CTNNA2: variants seen among roughly 807,000 people sequenced by gnomAD.
CTNNA2 encodes the protein catenin alpha-2.
Under a neutral mutation model 101.0 loss-of-function variants are expected in CTNNA2, and 42 were observed. The ratio of observed to expected loss-of-function variants is 0.42; its 90% confidence interval spans 0.32 to 0.54. The LOEUF is 0.54. Ranked by LOEUF, CTNNA2 falls within the 20% of genes least tolerant of loss-of-function variation. CTNNA2 has a pLI of 0.14. For synonymous variants in CTNNA2, 450 were observed against 456.4 expected, an observed-to-expected ratio of 0.99 and a Z score of 0.18; for missense variants, 871 against 1,223.1, an observed-to-expected ratio of 0.71 and a Z score of 4.29.
chr2:79,851,192 G>T (rs930903289), intron 3 of CTNNA2, among the ~76,000 whole-genome samples: 6 of 152,208 alleles, frequency 3.9e-5, no homozygotes, highest in South Asian at 2.1e-4. Flanking sequence ...AACTTCTGTG[G>T]TGTTGTCCAC....
chr2:79,336,931 C>T (rs569129442), intron 3 of CTNNA2, among the ~76,000 whole-genome samples: 1 of 152,314 alleles, frequency 6.6e-6, no homozygotes, highest in East Asian at 1.9e-4. Flanking sequence ...TGTGACCAGA[C>T]TCTTCCCAGA....
chr2:80,147,446 A>C (rs1573222285), intron 7 of CTNNA2, among the ~76,000 whole-genome samples: 1 of 152,156 alleles, frequency 6.6e-6, no homozygotes, highest in Non-Finnish European at 1.5e-5. Flanking sequence ...TGGCGAATGG[A>C]TATAAATGCT....
Position 80,034,357 on chromosome 2 carries a change from T to TC in CTNNA2, c.1056+124560_1056+124561insC, listed in dbSNP as rs1553434773. On this transcript the variant is annotated intron_variant, in intron 7 of 18. Coordinates refer to ENST00000402739, the MANE Select transcript of CTNNA2 (RefSeq NM_001282597.3). ...ATGCTGAATTTCATTTTTTTTTCTTTTTTTTTTTTTTTTTGATACGGAGTC... is the reference window on the plus strand; with the variant it reads ...ATGCTGAATTTCATTTTTTTTTCTTTCTTTTTTTTTTTTTTGATACGGAGTC... Among the ~76,000 whole-genome samples, 30 of 119,606 alleles carry TC rather than the reference T, an allele frequency of 2.5e-4. 2 individuals are homozygous for TC. Among genetic ancestry groups the TC allele is most frequent in the Admixed American group, 3.4e-4 (4 of 11,714 alleles). The allele number at this position is 119,606 out of a possible 152,430, so 78.5% of individuals were successfully genotyped here. A position where few individuals can be genotyped will look rare whatever the true frequency, so the allele number is the denominator to read the frequency against.
intron 7 of CTNNA2, among the ~76,000 whole-genome samples, chr2:80,355,392 G>A (rs549741794): frequency 7.9e-5 from 12 of 152,194 alleles, no homozygotes; most frequent in Admixed American, 2.0e-4. Context: ...CCTGGCATAT[G>A]GGCATAATGT....
chr2:79,658,324 A>C (rs75870716), intron 2 of CTNNA2, among the ~76,000 whole-genome samples: 4 of 152,106 alleles, frequency 2.6e-5, no homozygotes, highest in African/African-American at 9.6e-5. Context: ...ACATCATAAC[A>C]GTATTGAAAG....
At chr2:80,037,262 G>A (rs929840965) in intron 7 of CTNNA2, among the ~76,000 whole-genome samples, 1 of 152,072 alleles carries the variant, frequency 6.6e-6, no homozygotes, top group Non-Finnish European at 1.5e-5. Context: ...TCATCCCAGG[G>A]AAATCATGGC....
At chr2:79,875,816 C>T (rs1011320446) in intron 6 of CTNNA2, among the ~76,000 whole-genome samples, 2 of 151,816 alleles carry the variant, frequency 1.3e-5, no homozygotes, top group African/African-American at 4.8e-5. Context: ...ATTTTATTCA[C>T]AAAATTGCAG....
At chr2:79,842,690 G>T (rs958225480) in intron 3 of CTNNA2, among the ~76,000 whole-genome samples, 1 of 151,274 alleles carries the variant, frequency 6.6e-6, no homozygotes, top group Non-Finnish European at 1.5e-5. Context: ...AAATTTAGCC[G>T]TAGTTTTGGG....
intron 8 of CTNNA2, among the ~76,000 whole-genome samples, chr2:80,399,480 G>C (rs908592080): frequency 3.3e-5 from 5 of 152,160 alleles, no homozygotes; most frequent in African/African-American, 1.2e-4. Flanking sequence ...GGAGCAAAGA[G>C]TCTAGTAGCT....
chr2:80,472,884 C>T (rs1685419870), intron 9 of CTNNA2, among the ~76,000 whole-genome samples: 1 of 152,130 alleles, frequency 6.6e-6, no homozygotes, highest in South Asian at 2.1e-4. Flanking sequence ...ATTGTCATTA[C>T]ACGTGTCAAA....
intron 7 of CTNNA2, among the ~76,000 whole-genome samples, chr2:80,008,956 T>C (rs1325962080): frequency 6.6e-6 from 1 of 152,172 alleles, no homozygotes; most frequent in African/African-American, 2.4e-5. Flanking sequence ...TATTTTAGAC[T>C]TTCCGAGACA....
chr2:79,807,576 A>G (rs923661597), intron 3 of CTNNA2, among the ~76,000 whole-genome samples: 2 of 152,146 alleles, frequency 1.3e-5, no homozygotes, highest in South Asian at 2.1e-4. Context: ...AATTTATTAT[A>G]TTTTATTCAG....
chr2:80,363,132 A>T, intron 7 of CTNNA2, among the ~76,000 whole-genome samples: 1 of 152,144 alleles, frequency 6.6e-6, no homozygotes, highest in East Asian at 1.9e-4. Context: ...TTGGTTTAAA[A>T]AATCCTGCAA....
chr2:80,028,422 A>T (rs1695078696), intron 7 of CTNNA2: 1 of 152,222 alleles, frequency 6.6e-6, no homozygotes, highest in South Asian at 2.1e-4. Context: ...ACAAACTTCA[A>T]ACATGGAGAG....
intron 15 of CTNNA2, among the ~76,000 whole-genome samples, chr2:80,590,891 T>G (rs542684284): frequency 6.6e-6 from 1 of 152,284 alleles, no homozygotes; most frequent in Admixed American, 6.5e-5. Flanking sequence ...AGCCTGAAAC[T>G]TCTACAAATC....
At chr2:79,220,695 T>C (rs1003091310) in intron 2 of CTNNA2, among the ~76,000 whole-genome samples, 2 of 152,104 alleles carry the variant, frequency 1.3e-5, no homozygotes, top group African/African-American at 2.4e-5. Flanking sequence ...GGGAAAAATC[T>C]CTCCTCATAG....
chr2:80,212,826 G>T (rs1265688270), intron 7 of CTNNA2, among the ~76,000 whole-genome samples: 2 of 152,278 alleles, frequency 1.3e-5, no homozygotes, highest in Non-Finnish European at 2.9e-5. Context: ...GAATTTGGCT[G>T]TGAATCCATC....
intron 9 of CTNNA2, among the ~76,000 whole-genome samples, chr2:80,541,898 T>TTTTTTTTTTGAGACGGAGTCTCGCTC (rs1553380178): frequency 6.7e-6 from 1 of 148,870 alleles, no homozygotes; most frequent in Non-Finnish European, 1.5e-5. Context: ...TAAATGTTTT[T>TTTTTTTTTTGAGACGGAGTCTCGCTC]TAATATGGAA....
In CTNNA2 at chr2:79,310,748, G is replaced by A. The variant is rs542886303; in HGVS notation, c.-405-1961G>A. Among the ~76,000 whole-genome samples, 7 of 152,322 alleles carry A rather than the reference G, an allele frequency of 4.6e-5. No individual in the cohort carries two copies. In the East Asian group the frequency reaches 1.4e-3, roughly 29 times the overall value. On this transcript the variant is annotated intron_variant, in intron 2 of 21. Transcript: ENST00000466387. ...GAACTTGAAGTAAATTAGAGAAAGT[G>A]GAAGAGAGACTGGGGGCAGATATTC...
Sources: gnomAD v4.1 joint callset for allele counts (sites outside exome capture counted in the v4.1 genomes callset) on GRCh38, gnomAD v4.1.1 for gene constraint, MANE v1.5 for transcripts, NCBI Gene and HGNC (gene_info 2026-07-23, HGNC 2026-07-21) for gene names.